Variants in MICU3 observed in about 807,000 individuals in gnomAD.
MICU3 encodes the protein mitochondrial calcium uptake 3.
In MICU3, 62 loss-of-function variants were observed where a neutral mutation model predicts 66.5. The observed-to-expected ratio is 0.93, with a 90% confidence interval of 0.76 to 1.15. The LOEUF (loss-of-function observed/expected upper bound fraction) is 1.15. MICU3 is among the 50% of genes most tolerant of loss of function. The pLI is 0.00. For synonymous variants in MICU3, 308 were observed against 240.7 expected (o/e 1.28, Z -2.59); for missense variants, 779 against 664.4 (o/e 1.17, Z -1.90).
intron 3 of MICU3, among the ~76,000 whole-genome samples, chr8:17,072,837 T>A (rs1414683464): frequency 6.6e-6 from 1 of 152,162 alleles, no homozygotes; most frequent in Non-Finnish European, 1.5e-5. Context: ...ATACCCATAA[T>A]TAGCAAGGAG....
chr8:17,117,770 G>A lies in MICU3; in HGVS notation c.1525-937G>A, dbSNP rs188982870. On this transcript the variant is annotated intron_variant, in intron 13 of 14. Transcript: ENST00000318063. ...ATTACAGGTGTGCACAACCGTGCCCGGGTAATTTTTTGTATTTTTAGTAGA... is the reference window on the plus strand; with the variant it reads ...ATTACAGGTGTGCACAACCGTGCCCAGGTAATTTTTTGTATTTTTAGTAGA... Among the ~76,000 whole-genome samples the A allele has an allele frequency of 1.2e-3, 183 of 152,096 alleles. 1 individual carries two copies. The highest frequency in any genetic ancestry group is 4.2e-3 in the African/African-American group (174 of 41,506).
intron 8 of MICU3, among the ~76,000 whole-genome samples, chr8:17,097,799 A>G (rs1429403369): frequency 6.6e-6 from 1 of 151,654 alleles, no homozygotes; most frequent in Non-Finnish European, 1.5e-5. Flanking sequence ...ACACTTTTTA[A>G]TCTACACTTC....
rs777269124 is a variant in MICU3, at chr8:17,105,594, C to G, written c.1257+10C>G. The G allele has an allele frequency of 1.4e-6, 2 of 1,470,066 alleles. No individual in the cohort carries two copies. The highest frequency in any genetic ancestry group is 1.4e-5 in the South Asian group (1 of 72,416). 91.1% of individuals were successfully genotyped at this position (1,470,066 alleles called of 1,614,324 possible). ...TATACCTGAAGAAAAGGTATCTAAT[C>G]CTCATATTTAGTTGGTTATGTTACT... On this transcript the variant is annotated intron_variant, in intron 11 of 14. Transcript: ENST00000318063.
chr8:17,128,559 T>C, the MICU3 span, among the ~76,000 whole-genome samples: 1 of 152,202 alleles, frequency 6.6e-6, no homozygotes, highest in Non-Finnish European at 1.5e-5. Context: ...AATAAGCATT[T>C]GCTGAAATCA....
intron 9 of MICU3, among the ~76,000 whole-genome samples, chr8:17,099,243 T>C (rs1210395274): frequency 6.6e-6 from 1 of 151,790 alleles, no homozygotes; most frequent in Non-Finnish European, 1.5e-5. Context: ...TAAGAATTTT[T>C]CCTAAGAACT....
chr8:17,061,481 G>C (rs1424511390), intron 1 of MICU3, among the ~76,000 whole-genome samples: 1 of 152,148 alleles, frequency 6.6e-6, no homozygotes, highest in African/African-American at 2.4e-5. Context: ...TGAGAAAACA[G>C]GCATGTCAGG....
chr8:17,093,397 A>C (rs954234774), intron 8 of MICU3, among the ~76,000 whole-genome samples: 3 of 151,954 alleles, frequency 2.0e-5, no homozygotes, highest in Admixed American at 2.0e-4. Context: ...TTATGGACTA[A>C]AACAATATCA....
chr8:17,078,120 A>T (rs1820654314), intron 4 of MICU3, among the ~76,000 whole-genome samples: 1 of 151,814 alleles, frequency 6.6e-6, no homozygotes, highest in African/African-American at 2.4e-5. Context: ...TTTATATCAG[A>T]TTGGACTTAC....
intron 2 of MICU3, among the ~76,000 whole-genome samples, chr8:17,066,238 TG>T (rs1343104593): frequency 2.0e-5 from 3 of 151,804 alleles, no homozygotes; most frequent in African/African-American, 7.3e-5. Flanking sequence ...TAAATAAAAA[TG>T]TATGGAATAT....
chr8:17,069,683 T>C lies in MICU3; in HGVS notation c.536-5T>C. 1 of 1,528,286 alleles carries C rather than the reference T, an allele frequency of 6.5e-7. No homozygotes were observed. Among genetic ancestry groups the C allele is most frequent in the Non-Finnish European group, 8.9e-7 (1 of 1,128,742 alleles). The allele number at this position is 1,528,286 out of a possible 1,614,324, so 94.7% of individuals were successfully genotyped here. A position where few individuals can be genotyped will look rare whatever the true frequency, so the allele number is the denominator to read the frequency against. On this transcript the variant is annotated splice_region_variant and splice_polypyrimidine_tract_variant and intron_variant, in intron 2 of 14. Coordinates refer to ENST00000318063, the MANE Select transcript of MICU3 (RefSeq NM_181723.3). ...ATCTAATTATCTTACATTTGTTTAT[T>C]TTAGTTGCCAAAACTTGGAAGTCAC...
downstream of MICU3, among the ~76,000 whole-genome samples, chr8:17,127,422 C>T (rs549842697): frequency 5.3e-5 from 8 of 151,974 alleles, no homozygotes; most frequent in Non-Finnish European, 7.3e-5. Flanking sequence ...GATGTCAAGA[C>T]GTATTGCAAA....
At chr8:17,094,920 A>G (rs1800508324) in intron 8 of MICU3, among the ~76,000 whole-genome samples, 1 of 152,006 alleles carries the variant, frequency 6.6e-6, no homozygotes, top group African/African-American at 2.4e-5. Context: ...CCGTATTTTT[A>G]TCTTTTCATG....
intron 8 of MICU3, among the ~76,000 whole-genome samples, chr8:17,091,541 T>G (rs893078000): frequency 5.9e-5 from 9 of 152,088 alleles, no homozygotes; most frequent in Non-Finnish European, 7.4e-5. Flanking sequence ...AAACTAATTC[T>G]GTTACAGATT....
intron 13 of MICU3, 126 bp from the exon 14 acceptor site, chr8:17,118,581 G>C: frequency 3.7e-6 from 2 of 540,972 alleles, no homozygotes; most frequent in Non-Finnish European, 6.5e-6. Context: ...CAGCCTTCCA[G>C]CCTCTGGTAA....
chr8:17,122,470 T>A lies in MICU3; in HGVS notation c.*2183T>A, dbSNP rs562883284. On this transcript the variant is annotated 3_prime_UTR_variant, in exon 15 of 15. Transcript: ENST00000318063. ...ATACATAAAATTCATATTAAACTTT[T>A]TACAGAAAGCATACATGATAAACAG... 5.3e-5 allele frequency: 8 copies of A among 152,046 alleles called. No homozygotes were observed. Among genetic ancestry groups the A allele is most frequent in the South Asian group, 4.1e-4 (2 of 4,826 alleles). 9.4% of individuals were successfully genotyped at this position (152,046 alleles called of 1,614,324 possible). A position where few individuals can be genotyped will look rare whatever the true frequency, so the allele number is the denominator to read the frequency against.
chr8:17,109,992 C>T (rs1802054867), intron 11 of MICU3, among the ~76,000 whole-genome samples: 1 of 152,160 alleles, frequency 6.6e-6, no homozygotes, highest in African/African-American at 2.4e-5. Flanking sequence ...ACCTTTTAAA[C>T]TCACTTATAT....
chr8:17,115,616 A>T (rs1299494125), intron 12 of MICU3, among the ~76,000 whole-genome samples: 1 of 152,202 alleles, frequency 6.6e-6, no homozygotes, highest in African/African-American at 2.4e-5. Context: ...TGTAGTAGCC[A>T]CCAAAGTGAC....
intron 6 of MICU3, among the ~76,000 whole-genome samples, chr8:17,086,483 G>A (rs939915863): frequency 2.6e-5 from 4 of 152,050 alleles, no homozygotes; most frequent in Non-Finnish European, 5.9e-5. Flanking sequence ...ATGGGGAGAT[G>A]GCGGTTTTCA....
chr8:17,070,828 T>A (rs934062917), intron 3 of MICU3, among the ~76,000 whole-genome samples: 2 of 152,046 alleles, frequency 1.3e-5, no homozygotes, highest in Non-Finnish European at 2.9e-5. Context: ...TGGTAATGAA[T>A]GCTGAAAATT....
Sources: gnomAD v4.1 joint callset for allele counts (sites outside exome capture counted in the v4.1 genomes callset) on GRCh38, gnomAD v4.1.1 for gene constraint, MANE v1.5 for transcripts, NCBI Gene and HGNC (gene_info 2026-07-23, HGNC 2026-07-21) for gene names.